The following SHISA9 variants were observed in gnomAD, a reference collection of about 807,000 sequenced individuals.
The protein encoded by SHISA9 is shisa family member 9.
In SHISA9, 13 loss-of-function variants were observed where a neutral mutation model predicts 38.0. The observed-to-expected ratio is 0.34, with a 90% CI of 0.22 to 0.54. The LOEUF is 0.54. Among genes scored for constraint, SHISA9 ranks in the 20% least tolerant of loss-of-function variants. SHISA9 has a pLI of 0.91. For missense variants in SHISA9, 538 were observed against 575.8 expected (o/e 0.93, Z 0.67); for synonymous variants, 275 against 242.0 (o/e 1.14, Z -1.27).
At chr16:13,098,864 C>A (rs776471759) in intron 2 of SHISA9, among the ~76,000 whole-genome samples, 5 of 152,210 alleles carry the variant, frequency 3.3e-5, no homozygotes, top group Non-Finnish European at 7.3e-5. Flanking sequence ...CTTGGGCAAC[C>A]CCCTTTGTCT....
At chr16:13,335,433 C>T in the SHISA9 span, among the ~76,000 whole-genome samples, 4 of 152,294 alleles carry the variant, frequency 2.6e-5, no homozygotes, top group East Asian at 7.7e-4. Flanking sequence ...CCCCTACCCC[C>T]CTTTAAAGGT....
the SHISA9 span, among the ~76,000 whole-genome samples, chr16:13,466,267 G>T: frequency 1.3e-5 from 2 of 152,226 alleles, no homozygotes; most frequent in South Asian, 4.1e-4. Context: ...GCTAAGAAGA[G>T]AGTGATGGTG....
At chr16:13,073,657 T>C (rs1005815264) in intron 2 of SHISA9, among the ~76,000 whole-genome samples, 2 of 152,082 alleles carry the variant, frequency 1.3e-5, no homozygotes, top group African/African-American at 4.8e-5. Flanking sequence ...AAAGAGATCT[T>C]TGAAGATGTT....
At chr16:13,128,653 G>A (rs1294362383) in intron 2 of SHISA9, among the ~76,000 whole-genome samples, 2 of 152,090 alleles carry the variant, frequency 1.3e-5, no homozygotes, top group African/African-American at 2.4e-5. Context: ...CAGATTGTTG[G>A]GACCAAACCT....
the SHISA9 span, among the ~76,000 whole-genome samples, chr16:13,274,030 A>G: frequency 3.3e-5 from 5 of 152,216 alleles, no homozygotes; most frequent in African/African-American, 1.2e-4. Context: ...CTTGAAAAAA[A>G]TCACTTAACA....
intron 2 of SHISA9, among the ~76,000 whole-genome samples, chr16:13,202,683 G>A: frequency 6.6e-6 from 1 of 151,956 alleles, no homozygotes; most frequent in East Asian, 1.9e-4. Flanking sequence ...TACATCATAT[G>A]TATTATAATA....
At chr16:13,391,585 T>G in the SHISA9 span, among the ~76,000 whole-genome samples, 1 of 152,176 alleles carries the variant, frequency 6.6e-6, no homozygotes, top group Non-Finnish European at 1.5e-5. Flanking sequence ...AGCCAGTGGT[T>G]CTAGACCTTA....
At chr16:13,348,646 G>A in the SHISA9 span, among the ~76,000 whole-genome samples, 1 of 151,684 alleles carries the variant, frequency 6.6e-6, no homozygotes, top group East Asian at 2.0e-4. Context: ...CTGCTTGATG[G>A]GATTCTGAAT....
chr16:13,052,820 C>T (rs192536314), intron 2 of SHISA9, among the ~76,000 whole-genome samples: 9 of 152,268 alleles, frequency 5.9e-5, no homozygotes, highest in Middle Eastern at 6.8e-3. Flanking sequence ...TGGTTCACTA[C>T]CCAGAAGCTT....
At chr16:13,206,818 C>G (rs530858995) in intron 3 of SHISA9, among the ~76,000 whole-genome samples, 1 of 152,322 alleles carries the variant, frequency 6.6e-6, no homozygotes, top group South Asian at 2.1e-4. Context: ...TCCATATTGC[C>G]TGTTTGCACA....
At chr16:13,147,014 G>GTGAA (rs71147785) in intron 2 of SHISA9, among the ~76,000 whole-genome samples, 14,263 of 152,182 alleles carry the variant, frequency 0.094, 743 homozygotes, top group Middle Eastern at 0.17. Context: ...GGATGAATGA[G>GTGAA]TGAATGAATG....
intron 1 of SHISA9, among the ~76,000 whole-genome samples, chr16:12,906,906 G>A (rs976240064): frequency 2.0e-5 from 3 of 152,014 alleles, no homozygotes; most frequent in South Asian, 2.1e-4. Flanking sequence ...GTCATCTAAG[G>A]GCAAAGGGCA....
chr16:13,308,132 C>T, the SHISA9 span, among the ~76,000 whole-genome samples: 3 of 151,982 alleles, frequency 2.0e-5, no homozygotes, highest in Non-Finnish European at 4.4e-5. Flanking sequence ...TTTGGAGGCA[C>T]CACATGAGTA....
intron 3 of SHISA9, among the ~76,000 whole-genome samples, chr16:13,209,873 G>A (rs527779268): frequency 2.8e-4 from 42 of 152,326 alleles, no homozygotes; most frequent in Admixed American, 1.5e-3. Context: ...AGGCCAAGGC[G>A]ATGGATCACG....
the SHISA9 span, among the ~76,000 whole-genome samples, chr16:13,246,130 T>A: frequency 6.5e-4 from 99 of 152,116 alleles, no homozygotes; most frequent in African/African-American, 2.2e-3. Flanking sequence ...GCTTGGCTGC[T>A]TCCCCACCCA....
chr16:13,224,530 C>T (rs1322644942), intron 4 of SHISA9, among the ~76,000 whole-genome samples: 1 of 152,170 alleles, frequency 6.6e-6, no homozygotes, highest in Non-Finnish European at 1.5e-5. Flanking sequence ...CAGTGCTTTC[C>T]TTCTTTCATC....
intron 2 of SHISA9, among the ~76,000 whole-genome samples, chr16:13,052,731 C>G (rs2073266607): frequency 6.6e-6 from 1 of 152,018 alleles, no homozygotes; most frequent in South Asian, 2.1e-4. Flanking sequence ...TCAGTGGTAG[C>G]CAAACCTCAA....
chr16:13,215,022 G>C (rs762881255), intron 4 of SHISA9, among the ~76,000 whole-genome samples: 8 of 152,132 alleles, frequency 5.3e-5, no homozygotes, highest in Non-Finnish European at 8.8e-5. Context: ...CTGTGGACTA[G>C]AGTTGCAGAC....
At chr16:13,303,623 G>T in the SHISA9 span, among the ~76,000 whole-genome samples, 8 of 152,154 alleles carry the variant, frequency 5.3e-5, no homozygotes, top group Non-Finnish European at 1.2e-4. Flanking sequence ...TGCTTAAAGG[G>T]TGCAGGATTC....
Sources: gnomAD v4.1 joint callset for allele counts (sites outside exome capture counted in the v4.1 genomes callset) on GRCh38, gnomAD v4.1.1 for gene constraint, MANE v1.5 for transcripts, NCBI Gene and HGNC (gene_info 2026-07-23, HGNC 2026-07-21) for gene names.